NEK5: variants seen among roughly 807,000 people sequenced by gnomAD.
NEK5 encodes the protein serine/threonine-protein kinase Nek5.
NEK5 carries 88 observed loss-of-function variants against 109.2 expected under a neutral mutation model. That is an observed-to-expected ratio of 0.81 (90% CI 0.68 to 0.96). The LOEUF is 0.96. Ranked by LOEUF, NEK5 falls within the 40% of genes least tolerant of loss-of-function variation. The pLI is 0.00. For synonymous variants in NEK5, 283 were observed against 299.9 expected (o/e 0.94, Z 0.58); for missense variants, 834 against 920.7 (o/e 0.91, Z 1.22).
rs757316761 is a variant in NEK5, at chr13:52,072,048, G to A, written c.1745C>T (p.Thr582Ile). Residue 582 changes from threonine (T) to isoleucine (I), a missense_variant, in exon 20 of 24, where the codon ACT (threonine) becomes ATT (isoleucine). Thr to Ile is a moderately conservative substitution (Grantham distance 89). Transcript: ENST00000684899. ...CTTCATGCCATCCTCAAAGGTCAAA[G>A]TTTCATTTGGTATATCCATTGCCTA... The part of the protein sequence containing the change: ...EEEAMDIPNE[T>I]LTFEDGMKFK... 5 of 1,611,062 alleles carry A rather than the reference G, an allele frequency of 3.1e-6. No homozygotes were observed. The highest frequency in any genetic ancestry group is 3.4e-6 in the Non-Finnish European group (4 of 1,177,454).
chr13:52,040,481 G>C (rs1034404777), intron 23 of NEK5, among the ~76,000 whole-genome samples: 3 of 152,156 alleles, frequency 2.0e-5, no homozygotes, highest in African/African-American at 7.2e-5. Flanking sequence ...TTGTGTTAGA[G>C]TAGCCCAAAC....
Position 52,115,996 on chromosome 13 carries a change from C to T in NEK5, c.214+3323G>A, listed in dbSNP as rs371016645. Among the ~76,000 whole-genome samples, 7 of 151,838 alleles carry T rather than the reference C, an allele frequency of 4.6e-5. No individual in the cohort carries two copies. In the East Asian group the frequency reaches 1.2e-3, roughly 25 times the overall value. Reference sequence around the variant, plus strand: ...TTTGAGACCAGCCTGGGCAACATGGCGAAAACCTGGCTCTATAATGAAAAA... The same window carrying T: ...TTTGAGACCAGCCTGGGCAACATGGTGAAAACCTGGCTCTATAATGAAAAA... On this transcript the variant is annotated intron_variant, in intron 4 of 23. Transcript: ENST00000684899.
intron 17 of NEK5, among the ~76,000 whole-genome samples, chr13:52,080,245 C>T (rs1448454796): frequency 2.9e-5 from 4 of 139,656 alleles, no homozygotes; most frequent in Non-Finnish European, 4.9e-5. Context: ...CCCGGCCAGC[C>T]GCCCCATCCG....
intron 17 of NEK5, among the ~76,000 whole-genome samples, chr13:52,077,231 G>A (rs551649230): frequency 6.6e-6 from 1 of 152,330 alleles, no homozygotes; most frequent in South Asian, 2.1e-4. Flanking sequence ...CCCCTCTCCA[G>A]CAGTGGGCAC....
At chr13:52,123,743 T>G (rs1956013839) in intron 3 of NEK5, among the ~76,000 whole-genome samples, 1 of 152,054 alleles carries the variant, frequency 6.6e-6, no homozygotes, top group Non-Finnish European at 1.5e-5. Flanking sequence ...CAGTCAGTAC[T>G]ATAACAGAGG....
intron 23 of NEK5, among the ~76,000 whole-genome samples, chr13:52,045,764 CA>C (rs769932877): frequency 0.43 from 26,881 of 63,188 alleles, 4,534 homozygotes; most frequent in Middle Eastern, 0.52. Context: ...GACTCTGTCT[CA>C]AAAAAAAAAA....
intron 4 of NEK5, among the ~76,000 whole-genome samples, chr13:52,117,975 A>G (rs1955894946): frequency 6.6e-6 from 1 of 152,186 alleles, no homozygotes; most frequent in South Asian, 2.1e-4. Flanking sequence ...GCTTTCCTTG[A>G]AAGTTATTCC....
rs1955612694 is a variant in NEK5, at chr13:52,104,560, A to T, written c.555-8T>A. 3 of 1,591,320 alleles carry T rather than the reference A, an allele frequency of 1.9e-6. No individual in the cohort carries two copies. In the Admixed American group the frequency reaches 5.0e-5, roughly 27 times the overall value. On this transcript the variant is annotated splice_region_variant and splice_polypyrimidine_tract_variant and intron_variant, in intron 8 of 23. Transcript: ENST00000684899. ...CCAAGAGACCAAATATCCCTAAAGA[A>T]GATAAGAGTTTACATGCCAAGAAAA...
At chr13:52,107,103 G>A (rs1407817645) in intron 8 of NEK5, among the ~76,000 whole-genome samples, 3 of 152,142 alleles carry the variant, frequency 2.0e-5, no homozygotes, top group Non-Finnish European at 2.9e-5. Context: ...AATTTTCGAT[G>A]TTATTTTTTA....
rs368900012 is a variant in NEK5, at chr13:52,089,247, C to G, written c.1275G>C (p.Leu425Phe). 11 of 1,569,332 alleles carry G rather than the reference C, an allele frequency of 7.0e-6. No homozygotes were observed. The highest frequency in any genetic ancestry group is 9.6e-6 in the Non-Finnish European group (11 of 1,140,378). ...QQYKLKVEKQLGLRPSSAEPN... is the reference protein window; with the variant it reads ...QQYKLKVEKQFGLRPSSAEPN... The stretch of plus-strand genomic sequence containing the variant: ...TTCCCATATTTGGTATTTTACTTAC[C>G]AATTGCTTCTCCACTTTCAACTTAT... The change falls in exon 14 of 24, where the codon TTG (leucine) becomes TTC (phenylalanine). Residue 425 changes from leucine (L) to phenylalanine (F), a missense_variant and splice_region_variant. This residue lies in a region of NEK5 where 777 missense variants were observed against 824.7 expected (regional missense o/e 0.94). Transcript: ENST00000684899.
intron 12 of NEK5, among the ~76,000 whole-genome samples, chr13:52,094,709 G>A (rs1955366643): frequency 2.0e-5 from 3 of 152,198 alleles, no homozygotes. Flanking sequence ...GGGAGGCGGA[G>A]CTTGCAGTGA....
intron 3 of NEK5, among the ~76,000 whole-genome samples, chr13:52,126,780 AAAAAG>A (rs139746601): frequency 0.018 from 2,691 of 152,274 alleles, 64 homozygotes; most frequent in African/African-American, 0.061. Context: ...CTCCGTCTAA[AAAAAG>A]AAAAGAAAAG....
At chr13:52,096,538 A>T (rs181765169) in intron 12 of NEK5, among the ~76,000 whole-genome samples, 1 of 152,312 alleles carries the variant, frequency 6.6e-6, no homozygotes, top group Non-Finnish European at 1.5e-5. Context: ...TACCCTAGGG[A>T]TCTGTGGAAC....
At chr13:52,060,797 T>C (rs1307602112) in intron 22 of NEK5, among the ~76,000 whole-genome samples, 1 of 152,222 alleles carries the variant, frequency 6.6e-6, no homozygotes, top group Non-Finnish European at 1.5e-5. Context: ...GTAGCTTTTC[T>C]TGTAGCACTT....
Position 52,119,336 on chromosome 13 carries a change from A to G in NEK5, c.197T>C (p.Phe66Ser), listed in dbSNP as rs758929883. Reference protein sequence around the residue: ...EKMKHPNIVAFFNSFQENGRL... With the variant: ...EKMKHPNIVASFNSFQENGRL... ...AATCAAACCTTGAAATGAATTGAAG[A>G]AGGCTACAATGTTGGGATGTTTCAT... Residue 66 changes from phenylalanine (F) to serine (S), a missense_variant, in exon 4 of 24, where the codon TTC becomes TCC. By Grantham distance (155) the Phe-to-Ser change is radical. Transcript: ENST00000684899. 3 of 1,585,242 alleles carry G rather than the reference A, an allele frequency of 1.9e-6. No individual in the cohort carries two copies. The highest frequency in any genetic ancestry group is 1.7e-6 in the Non-Finnish European group (2 of 1,158,514).
intron 3 of NEK5, among the ~76,000 whole-genome samples, 184 bp downstream of exon 3, chr13:52,127,182 C>T (rs562487384): frequency 4.6e-5 from 7 of 152,188 alleles, no homozygotes; most frequent in African/African-American, 1.7e-4. Context: ...GTGCGTCCAG[C>T]CTCTTTTTAA....
rs1176216335 is a variant in NEK5, at chr13:52,034,154, G to A, written c.*2794C>T. On this transcript the variant is annotated 3_prime_UTR_variant, in exon 24 of 24. Transcript: ENST00000684899. ...ATCAATTTGATAGCTATCATACATG[G>A]CTAGCAAGACACTGATTTTTCTAAT... The A allele has an allele frequency of 6.6e-6, 1 of 152,126 alleles. No individual in the cohort carries two copies. The highest frequency in any genetic ancestry group is 6.6e-5 in the Admixed American group (1 of 15,266). 9.4% of individuals were successfully genotyped at this position (152,126 alleles called of 1,614,324 possible).
At chr13:52,084,377 C>T (rs1374599424) in intron 16 of NEK5, among the ~76,000 whole-genome samples, 1 of 152,050 alleles carries the variant, frequency 6.6e-6, no homozygotes, top group African/African-American at 2.4e-5. Flanking sequence ...GCCACCATGA[C>T]CCACTAATTT....
At chr13:52,056,891 G>T (rs1954561100) in intron 22 of NEK5, among the ~76,000 whole-genome samples, 1 of 151,928 alleles carries the variant, frequency 6.6e-6, no homozygotes, top group Admixed American at 6.6e-5. Flanking sequence ...AAAAGAACTA[G>T]AAAAGCAAGA....
Sources: gnomAD v4.1 joint callset for allele counts (sites outside exome capture counted in the v4.1 genomes callset) on GRCh38, gnomAD v4.1.1 for gene constraint, gnomAD v4.1.1 regional missense constraint, MANE v1.5 for transcripts, NCBI Gene and HGNC (gene_info 2026-07-23, HGNC 2026-07-21) for gene names.